MFGE8: variants seen among roughly 807,000 people sequenced by gnomAD.
MFGE8 encodes the protein lactadherin.
A neutral mutation model predicts 42.6 loss-of-function variants in MFGE8; 34 were observed. The observed-to-expected ratio is 0.80, with a 90% CI of 0.61 to 1.06. The LOEUF is 1.06. Among genes scored for constraint, MFGE8 ranks in the 50% least tolerant of loss-of-function variants. MFGE8 has a pLI of 0.00. For missense variants in MFGE8, 510 were observed against 516.9 expected (o/e 0.99, Z 0.13); for synonymous variants, 230 against 214.8 (o/e 1.07, Z -0.62).
intron 6 of MFGE8, among the ~76,000 whole-genome samples, chr15:88,900,140 G>A (rs1242025093): frequency 6.6e-6 from 1 of 151,898 alleles, no homozygotes; most frequent in Non-Finnish European, 1.5e-5. Flanking sequence ...TACTAGGGAG[G>A]CTGAGTCAGA....
rs1898688009 is a variant in MFGE8 at position 88,906,603 on chromosome 15, T to G, written c.540+23A>C. The G allele has an allele frequency of 1.2e-6, 2 of 1,613,618 alleles. No homozygotes were observed. The highest frequency in any genetic ancestry group is 1.7e-6 in the Non-Finnish European group (2 of 1,179,828). ...TAGGGGGTATGGACCACAGCCCTTCTTTCGGGCCCCAACAAGACCTACCTT... is the reference window on the plus strand; with the variant it reads ...TAGGGGGTATGGACCACAGCCCTTCGTTCGGGCCCCAACAAGACCTACCTT... On this transcript the variant is annotated intron_variant, in intron 4 of 7. Transcript: ENST00000268150. This position sits in a 1 kb window ranked among gnomAD's most constrained non-coding sequence, Gnocchi z 4.2.
At position 88,905,567 on chromosome 15, in the gene MFGE8, G is replaced by C. The variant is rs1334695133; in HGVS notation, c.685+190C>G. ...GAATGCCCTGGGTCATGGGTTGGCAGACAGCAAACACCTGGGTGGGGCTGC... is the reference window on the plus strand; with the variant it reads ...GAATGCCCTGGGTCATGGGTTGGCACACAGCAAACACCTGGGTGGGGCTGC... On this transcript the variant is annotated intron_variant, in intron 5 of 7. Transcript: ENST00000268150. This position sits in a 1 kb window ranked among gnomAD's most constrained non-coding sequence, Gnocchi z 6.6. 2 of 749,900 alleles carry C rather than the reference G, an allele frequency of 2.7e-6. No homozygotes were observed. Among genetic ancestry groups the C allele is most frequent in the South Asian group, 2.9e-5 (2 of 68,082 alleles). The allele number at this position is 749,900 out of a possible 1,614,324, so 46.5% of individuals were successfully genotyped here.
intron 6 of MFGE8, among the ~76,000 whole-genome samples, chr15:88,900,368 C>G (rs901967731): frequency 2.6e-5 from 4 of 152,214 alleles, no homozygotes; most frequent in African/African-American, 9.6e-5. Flanking sequence ...CCACGCCAAC[C>G]ACCCCTGCCT....
chr15:88,901,899 AC>A (rs758715442), intron 5 of MFGE8, 164 bp from the exon 6 acceptor site: 1 of 700,384 alleles, frequency 1.4e-6, no homozygotes, highest in Non-Finnish European at 2.5e-6. Flanking sequence ...CAACTGTGCG[AC>A]CTTCTCACTG....
rs371796373 is a variant in MFGE8, at chr15:88,909,927, G to C, written c.74-4C>G. The C allele has an allele frequency of 6.2e-7, 1 of 1,614,012 alleles. No individual in the cohort carries two copies. The highest frequency in any genetic ancestry group is 8.5e-7 in the Non-Finnish European group (1 of 1,179,952). ...CAGGGGTTTTTGGAACAGATATCTG[G>C]GGACAGAGACAGGTAAGATGAGCAG... On this transcript the variant is annotated splice_region_variant and splice_polypyrimidine_tract_variant and intron_variant, in intron 1 of 7. Transcript: ENST00000268150.
In MFGE8 at chr15:88,899,194, GA is replaced by G; in HGVS notation, c.*200del. The stretch of plus-strand genomic sequence containing the variant: ...GGACAGTGAGGACTGGGGGTTAGGG[GA>G]CGGGGCTTAGGGGCTGGGGCAGGGC... On this transcript the variant is annotated 3_prime_UTR_variant, in exon 8 of 8. Transcript: ENST00000268150. The surrounding 1 kb of genome is among the most constrained non-coding windows in gnomAD (Gnocchi z 6.8). The G allele has an allele frequency of 1.5e-6, 1 of 681,182 alleles. No individual in the cohort carries two copies. Among genetic ancestry groups the G allele is most frequent in the Non-Finnish European group, 2.5e-6 (1 of 399,464 alleles). 42.2% of individuals were successfully genotyped at this position (681,182 alleles called of 1,614,324 possible). A position where few individuals can be genotyped will look rare whatever the true frequency, so the allele number is the denominator to read the frequency against.
At chr15:88,907,003 TC>T (rs1223109347) in intron 3 of MFGE8, among the ~76,000 whole-genome samples, 191 bp downstream of exon 3, 1 of 151,952 alleles carries the variant, frequency 6.6e-6, no homozygotes, top group Non-Finnish European at 1.5e-5. Context: ...TGGGGCCTCC[TC>T]CCCCCTCACC....
rs1403137114 is a variant in MFGE8, at chr15:88,912,099, G to C, written c.73+1148C>G. The stretch of plus-strand genomic sequence containing the variant: ...CCAGTGGGAAAAAGGGAAAGGGAAA[G>C]GTGTACTCTACCCAGCCACGTTACC... On this transcript the variant is annotated intron_variant, in intron 1 of 7. Transcript: ENST00000268150. 7 of 1,288,558 alleles carry C rather than the reference G, an allele frequency of 5.4e-6. No individual in the cohort carries two copies. In the South Asian group the frequency reaches 8.6e-5, roughly 16 times the overall value. 79.8% of individuals were successfully genotyped at this position (1,288,558 alleles called of 1,614,324 possible). A position where few individuals can be genotyped will look rare whatever the true frequency, so the allele number is the denominator to read the frequency against.
At chr15:88,912,609 A>G (rs950480396) in intron 1 of MFGE8, 80 of 985,212 alleles carry the variant, frequency 8.1e-5, no homozygotes, top group Non-Finnish European at 2.3e-5. Context: ...CGGGGAAGAT[A>G]CAGCAGCCGG....
Position 88,899,607 on chromosome 15 carries a change from G to A in MFGE8, c.1026+49C>T. 2 of 1,614,176 alleles carry A rather than the reference G, an allele frequency of 1.2e-6. No individual in the cohort carries two copies. Among genetic ancestry groups the A allele is most frequent in the Non-Finnish European group, 1.7e-6 (2 of 1,180,024 alleles). On this transcript the variant is annotated intron_variant, in intron 7 of 7. Coordinates refer to ENST00000268150, the MANE Select transcript of MFGE8 (RefSeq NM_005928.4). This position sits in a 1 kb window ranked among gnomAD's most constrained non-coding sequence, Gnocchi z 6.8. The stretch of plus-strand genomic sequence containing the variant: ...TCAGAGCCCCAGGCCAGACTCCCAG[G>A]GAAGTAATGAAGGAATGGCAAAGGG...
At position 88,902,815 on chromosome 15, in the gene MFGE8, G is replaced by C. The variant is rs1181907426; in HGVS notation, c.686-1080C>G. ...GTGTCTATCCCTCTGGGGAATTGAG[G>C]GAGGCAGGAGTGGACGGTGGGACTG... is the stretch of plus-strand genomic sequence containing the variant. On this transcript the variant is annotated intron_variant, in intron 5 of 7. Coordinates refer to ENST00000268150, the MANE Select transcript of MFGE8 (RefSeq NM_005928.4). This position sits in a 1 kb window ranked among gnomAD's most constrained non-coding sequence, Gnocchi z 4.3. 2 of 152,190 alleles carry C rather than the reference G, an allele frequency of 1.3e-5. No individual in the cohort carries two copies. Among genetic ancestry groups the C allele is most frequent in the Non-Finnish European group, 1.5e-5 (1 of 68,048 alleles). The allele number at this position is 152,190 out of a possible 1,614,324, so 9.4% of individuals were successfully genotyped here. A position where few individuals can be genotyped will look rare whatever the true frequency, so the allele number is the denominator to read the frequency against.
At position 88,905,109 on chromosome 15, in the gene MFGE8, C is replaced by A. The variant is rs1898607356; in HGVS notation, c.685+648G>T. On this transcript the variant is annotated intron_variant, in intron 5 of 7. Transcript: ENST00000268150. The surrounding 1 kb of genome is among the most constrained non-coding windows in gnomAD (Gnocchi z 6.6). ...TCTCCCCAGCTCTTCATCTGGGAATCTCTTTGGAAAAGGCAGCAGGAAGCA... is the reference window on the plus strand; with the variant it reads ...TCTCCCCAGCTCTTCATCTGGGAATATCTTTGGAAAAGGCAGCAGGAAGCA... Among the ~76,000 whole-genome samples, 2 of 152,216 alleles carry A rather than the reference C, an allele frequency of 1.3e-5. No homozygotes were observed. The highest frequency in any genetic ancestry group is 4.1e-4 in the South Asian group (2 of 4,826).
At position 88,899,073 on chromosome 15, in the gene MFGE8, C is replaced by T. The variant is rs1466971739; in HGVS notation, c.*322G>A. ...AGACAGAGACACACGCACCTGGGAT[C>T]GGCGGTCCGGACAGGGGCAGGGAAA... On this transcript the variant is annotated 3_prime_UTR_variant, in exon 8 of 8. Transcript: ENST00000268150. This position sits in a 1 kb window ranked among gnomAD's most constrained non-coding sequence, Gnocchi z 6.8. 1.2e-5 allele frequency: 5 copies of T among 429,338 alleles called. No individual in the cohort carries two copies. The highest frequency in any genetic ancestry group is 4.5e-5 in the South Asian group (2 of 44,258). The allele number at this position is 429,338 out of a possible 1,614,324, so 26.6% of individuals were successfully genotyped here. A position where few individuals can be genotyped will look rare whatever the true frequency, so the allele number is the denominator to read the frequency against.
At chr15:88,909,201 C>T (rs1898840368) in intron 2 of MFGE8, among the ~76,000 whole-genome samples, 1 of 152,170 alleles carries the variant, frequency 6.6e-6, no homozygotes, top group Non-Finnish European at 1.5e-5. Context: ...AGTGGATAAC[C>T]AGGCAGGTCA....
Position 88,905,779 on chromosome 15 carries a change from C to T in MFGE8, c.663G>A (p.Glu221=), listed in dbSNP as rs188297153. The T allele has an allele frequency of 1.4e-4, 219 of 1,614,204 alleles. No individual in the cohort carries two copies. The East Asian group carries it at 4.1e-3, about 30-fold the overall frequency. Residue 221 remains glutamate (E), a synonymous_variant, in exon 5 of 8, where the codon GAG becomes GAA. Coordinates refer to ENST00000268150, the MANE Select transcript of MFGE8 (RefSeq NM_005928.4). This position sits in a 1 kb window ranked among gnomAD's most constrained non-coding sequence, Gnocchi z 6.6. ...SCHTACTLRF[E]LLGCELNGCA... Reference sequence around the variant, plus strand: ...CACCGTTCAGCTCACAGCCCAGTAGCTCAAAGCGCAGAGTGCAGGCCGTGT... The same window carrying T: ...CACCGTTCAGCTCACAGCCCAGTAGTTCAAAGCGCAGAGTGCAGGCCGTGT...
At chr15:88,912,832 A>G in intron 1 of MFGE8, 1 of 985,412 alleles carries the variant, frequency 1.0e-6, no homozygotes, top group African/African-American at 1.7e-5. Flanking sequence ...TGGCAGGGAG[A>G]TGGCCAGGAC....
At chr15:88,912,267 G>A (rs1899000269) in intron 1 of MFGE8, 4 of 1,289,612 alleles carry the variant, frequency 3.1e-6, no homozygotes, top group Non-Finnish European at 4.0e-6. Flanking sequence ...GGGGGTACAG[G>A]GAAGAGTAGA....
At chr15:88,900,705 C>T (rs1283424600) in intron 6 of MFGE8, 5 of 985,284 alleles carry the variant, frequency 5.1e-6, no homozygotes, top group East Asian at 1.1e-4. Flanking sequence ...TGCCAGCTCT[C>T]GGCTTCCTCA....
Position 88,912,212 on chromosome 15 carries a change from C to A in MFGE8, c.73+1035G>T, listed in dbSNP as rs956457598. Reference sequence around the variant, plus strand: ...ACATCTTTGGGACTTCAGAGTCCTGCTCTTTCGGGGACTTTCCAGTAACAT... The same window carrying A: ...ACATCTTTGGGACTTCAGAGTCCTGATCTTTCGGGGACTTTCCAGTAACAT... On this transcript the variant is annotated intron_variant, in intron 1 of 7. Coordinates refer to ENST00000268150, the MANE Select transcript of MFGE8 (RefSeq NM_005928.4). 9 of 1,289,700 alleles carry A rather than the reference C, an allele frequency of 7.0e-6. No homozygotes were observed. In the African/African-American group the frequency reaches 1.2e-4, roughly 17 times the overall value. The allele number at this position is 1,289,700 out of a possible 1,614,324, so 79.9% of individuals were successfully genotyped here.
Sources: allele counts gnomAD v4.1 joint callset (sites outside exome capture counted in the v4.1 genomes callset), GRCh38; gene constraint gnomAD v4.1.1; non-coding constraint Gnocchi (gnomAD v3.1); transcripts MANE v1.5; gene names NCBI Gene and HGNC (gene_info 2026-07-23, HGNC 2026-07-21).